The following IL1RAP variants were observed in gnomAD, a reference collection of about 807,000 sequenced individuals.
The protein encoded by IL1RAP is interleukin 1 receptor accessory protein.
Under a neutral mutation model 60.7 loss-of-function variants are expected in IL1RAP, and 35 were observed. That is an observed-to-expected ratio of 0.58 (90% confidence interval 0.44 to 0.76). IL1RAP has a LOEUF of 0.76. Among genes scored for constraint, IL1RAP ranks in the 30% least tolerant of loss-of-function variants. The probability of loss-of-function intolerance (pLI) is 0.00; values close to 1 mark genes in which losing one functional copy is unlikely to be tolerated. For missense variants in IL1RAP, 572 were observed against 693.9 expected (o/e 0.82, Z 1.97); for synonymous variants, 268 against 250.9 (o/e 1.07, Z -0.64).
chr3:190,570,597 G>C (rs146649276), intron 3 of IL1RAP, among the ~76,000 whole-genome samples: 22 of 151,616 alleles, frequency 1.5e-4, no homozygotes, highest in Non-Finnish European at 1.9e-4. Flanking sequence ...ACGGAGCTTC[G>C]CTCTTGTTGC....
chr3:190,620,863 T>C (rs1731717624), intron 6 of IL1RAP, among the ~76,000 whole-genome samples: 1 of 152,222 alleles, frequency 6.6e-6, no homozygotes, highest in Admixed American at 6.5e-5. Context: ...TGCAACACTT[T>C]TGTCAAAAGA....
At chr3:190,640,750 A>T (rs74320806) in intron 9 of IL1RAP, among the ~76,000 whole-genome samples, 2,334 of 152,286 alleles carry the variant, frequency 0.015, 67 homozygotes, top group African/African-American at 0.053. Context: ...GAGCTAACCA[A>T]GGTGGTTACC....
chr3:190,624,913 C>T (rs115015179), intron 7 of IL1RAP: 4,022 of 168,570 alleles, frequency 0.024, 166 homozygotes, highest in African/African-American at 0.083. Flanking sequence ...CGGACATGCA[C>T]GCAGTTGCCA....
intron 1 of IL1RAP, among the ~76,000 whole-genome samples, chr3:190,537,558 T>C (rs1386384531): frequency 6.6e-6 from 1 of 152,194 alleles, no homozygotes; most frequent in African/African-American, 2.4e-5. Context: ...ACAGGCCATA[T>C]TTTGTTTTGA....
intron 3 of IL1RAP, among the ~76,000 whole-genome samples, chr3:190,576,387 C>T (rs374091912): frequency 4.6e-5 from 6 of 131,234 alleles, no homozygotes; most frequent in African/African-American, 8.5e-5. Flanking sequence ...TATATATACA[C>T]ACACACACAC....
intron 3 of IL1RAP, among the ~76,000 whole-genome samples, chr3:190,582,621 C>T (rs528138652): frequency 2.4e-4 from 36 of 152,186 alleles, no homozygotes; most frequent in African/African-American, 8.4e-4. Context: ...CTGGCACATT[C>T]TTAAATTTTT....
intron 3 of IL1RAP, among the ~76,000 whole-genome samples, chr3:190,589,732 G>A (rs888032392): frequency 6.6e-6 from 1 of 152,190 alleles, no homozygotes; most frequent in Admixed American, 6.5e-5. Context: ...AGGCCCCGAT[G>A]TACTTTTATG....
At chr3:190,577,385 A>T (rs969745840) in intron 3 of IL1RAP, among the ~76,000 whole-genome samples, 4 of 152,178 alleles carry the variant, frequency 2.6e-5, no homozygotes, top group African/African-American at 9.7e-5. Context: ...CATTTGTCAA[A>T]TTAGTCATTT....
intron 1 of IL1RAP, chr3:190,518,825 A>G (rs1352475579): frequency 1.3e-5 from 2 of 152,270 alleles, no homozygotes; most frequent in Admixed American, 6.5e-5. Context: ...TGATTCAATC[A>G]TCTCCCACTG....
At chr3:190,515,351 G>C (rs1721423020) in intron 1 of IL1RAP, among the ~76,000 whole-genome samples, 1 of 151,780 alleles carries the variant, frequency 6.6e-6, no homozygotes, top group African/African-American at 2.4e-5. Context: ...TGCCTGGCCT[G>C]GCATCTGGTT....
At chr3:190,617,095 T>C (rs767599421) in intron 5 of IL1RAP, among the ~76,000 whole-genome samples, 63 of 152,224 alleles carry the variant, frequency 4.1e-4, no homozygotes, top group Non-Finnish European at 6.6e-4. Flanking sequence ...AATATTCTTA[T>C]CATTTAAGAA....
intron 5 of IL1RAP, among the ~76,000 whole-genome samples, chr3:190,614,866 T>G (rs1302222197): frequency 6.6e-6 from 1 of 152,088 alleles, no homozygotes; most frequent in Non-Finnish European, 1.5e-5. Context: ...CAGGGTGATC[T>G]TTGAACACAT....
intron 3 of IL1RAP, among the ~76,000 whole-genome samples, chr3:190,581,919 C>T (rs1173998360): frequency 6.6e-6 from 1 of 152,050 alleles, no homozygotes. Flanking sequence ...CACCGTGACT[C>T]ACAGATGGCA....
At chr3:190,610,679 A>G (rs1161824605) in intron 5 of IL1RAP, among the ~76,000 whole-genome samples, 1 of 152,160 alleles carries the variant, frequency 6.6e-6, no homozygotes, top group African/African-American at 2.4e-5. Flanking sequence ...CTTAATAACA[A>G]TGCTTCAAAA....
At position 190,650,265 on chromosome 3, in the gene IL1RAP, C is replaced by T. The variant is rs1734316418; in HGVS notation, c.*1560C>T. The T allele has an allele frequency of 1.0e-6, 1 of 985,112 alleles. No homozygotes were observed. Among genetic ancestry groups the T allele is most frequent in the African/African-American group, 1.7e-5 (1 of 57,218 alleles). The allele number at this position is 985,112 out of a possible 1,614,324, so 61.0% of individuals were successfully genotyped here. On this transcript the variant is annotated 3_prime_UTR_variant, in exon 12 of 12. Transcript: ENST00000447382. Reference sequence around the variant, plus strand: ...TGATAGTTGTCATAGTTCTTGCCTTCCCTAAGTTTATATAAATAACTTAAG... The same window carrying T: ...TGATAGTTGTCATAGTTCTTGCCTTTCCTAAGTTTATATAAATAACTTAAG...
At chr3:190,611,324 T>A (rs1437416729) in intron 5 of IL1RAP, among the ~76,000 whole-genome samples, 1 of 152,172 alleles carries the variant, frequency 6.6e-6, no homozygotes, top group Non-Finnish European at 1.5e-5. Flanking sequence ...TGGATCCCAC[T>A]GTCATTTTGC....
chr3:190,564,066 C>T (rs892823997), intron 2 of IL1RAP: 1 of 525,664 alleles, frequency 1.9e-6, no homozygotes, highest in Non-Finnish European at 3.4e-6. Context: ...TATTAAACTT[C>T]TTTATCTGCA....
chr3:190,539,058 A>C (rs957803705), intron 1 of IL1RAP, among the ~76,000 whole-genome samples: 5 of 152,132 alleles, frequency 3.3e-5, no homozygotes, highest in African/African-American at 1.2e-4. Context: ...ACAGAGACTT[A>C]CCACCTTATC....
intron 3 of IL1RAP, among the ~76,000 whole-genome samples, chr3:190,577,940 C>T (rs1348404352): frequency 1.3e-5 from 2 of 152,128 alleles, no homozygotes; most frequent in Admixed American, 6.5e-5. Flanking sequence ...TCTGTTACTA[C>T]ATTAATTCAT....
Sources: gnomAD v4.1 joint callset for allele counts (sites outside exome capture counted in the v4.1 genomes callset) on GRCh38, gnomAD v4.1.1 for gene constraint, MANE v1.5 for transcripts, NCBI Gene and HGNC (gene_info 2026-07-23, HGNC 2026-07-21) for gene names.